Variants in ROBO2 observed in about 807,000 individuals in gnomAD.
ROBO2 encodes the protein roundabout homolog 2.
A neutral mutation model predicts 160.8 loss-of-function variants in ROBO2; 53 were observed. The ratio of observed to expected loss-of-function variants is 0.33; its 90% CI spans 0.26 to 0.41. ROBO2 has a LOEUF of 0.41. Ranked by LOEUF, ROBO2 falls within the 10% of genes least tolerant of loss-of-function variation. ROBO2 has a pLI of 1.00. For missense variants in ROBO2, 1,577 were observed against 1,722.4 expected (o/e 0.92, Z 1.49); for synonymous variants, 664 against 611.7 (o/e 1.09, Z -1.26).
At chr3:77,603,203 C>T (rs1037926919) in intron 20 of ROBO2, 9 of 392,166 alleles carry the variant, frequency 2.3e-5, no homozygotes, top group Admixed American at 1.3e-4. Context: ...CTAATGAAAT[C>T]ATGCCTTGGT....
At chr3:77,400,034 C>T (rs561457685) in intron 2 of ROBO2, among the ~76,000 whole-genome samples, 3 of 152,160 alleles carry the variant, frequency 2.0e-5, no homozygotes, top group African/African-American at 4.8e-5. Context: ...TGTGGCCAGA[C>T]AGCAGAGAGG....
At chr3:77,055,511 G>C (rs1353241907) in intron 1 of ROBO2, among the ~76,000 whole-genome samples, 1 of 151,938 alleles carries the variant, frequency 6.6e-6, no homozygotes, top group African/African-American at 2.4e-5. Flanking sequence ...ACTCCTTTTT[G>C]CCTTGATTTT....
intron 2 of ROBO2, among the ~76,000 whole-genome samples, chr3:75,976,757 C>T (rs973830399): frequency 2.4e-4 from 36 of 150,932 alleles, no homozygotes; most frequent in Admixed American, 1.1e-3. Flanking sequence ...GTGTAATATA[C>T]GGAAGAGGAA....
chr3:77,445,407 A>C (rs2080369405), intron 2 of ROBO2, among the ~76,000 whole-genome samples: 2 of 152,028 alleles, frequency 1.3e-5, no homozygotes, highest in South Asian at 4.1e-4. Flanking sequence ...TGGGTATGTC[A>C]CTCCTCATAA....
chr3:77,397,623 T>C (rs891668927), intron 2 of ROBO2, among the ~76,000 whole-genome samples: 3 of 152,160 alleles, frequency 2.0e-5, no homozygotes, highest in Non-Finnish European at 4.4e-5. Flanking sequence ...AAAATGTATA[T>C]CTTTCTTTTG....
intron 2 of ROBO2, among the ~76,000 whole-genome samples, chr3:77,224,092 C>T (rs991905590): frequency 3.3e-5 from 5 of 151,992 alleles, no homozygotes; most frequent in African/African-American, 7.2e-5. Context: ...TAGAGTACTT[C>T]TAACCAATGA....
At chr3:77,044,870 G>A (rs550956806) in intron 1 of ROBO2, among the ~76,000 whole-genome samples, 2 of 152,260 alleles carry the variant, frequency 1.3e-5, no homozygotes, top group South Asian at 4.2e-4. Context: ...CTAAAGAAAA[G>A]TATTGCTGTA....
At chr3:77,260,811 G>A (rs1325868169) in intron 2 of ROBO2, among the ~76,000 whole-genome samples, 8 of 152,146 alleles carry the variant, frequency 5.3e-5, no homozygotes, top group South Asian at 2.1e-4. Context: ...ATTGTGCGAC[G>A]TCCCTATTTG....
At chr3:77,600,634 C>T (rs939534256) in intron 19 of ROBO2, among the ~76,000 whole-genome samples, 1 of 152,124 alleles carries the variant, frequency 6.6e-6, no homozygotes, top group Non-Finnish European at 1.5e-5. Flanking sequence ...AGTATATTCA[C>T]TTAATATTCA....
chr3:76,078,122 CATATG>C, intron 2 of ROBO2, among the ~76,000 whole-genome samples: 1 of 152,298 alleles, frequency 6.6e-6, no homozygotes, highest in South Asian at 2.1e-4. Context: ...ATGCAACATT[CATATG>C]ATAGAGTTTG....
intron 2 of ROBO2, among the ~76,000 whole-genome samples, chr3:76,672,234 A>G (rs2092288018): frequency 6.6e-6 from 1 of 152,094 alleles, no homozygotes; most frequent in African/African-American, 2.4e-5. Context: ...TCAAGCAGAA[A>G]AATGAAGAGC....
intron 8 of ROBO2, among the ~76,000 whole-genome samples, chr3:77,556,077 G>A (rs57404793): frequency 0.096 from 3,557 of 36,896 alleles, 139 homozygotes; most frequent in African/African-American, 0.25. Flanking sequence ...ATTTAATTTG[G>A]AAAAAAAATC....
intron 2 of ROBO2, among the ~76,000 whole-genome samples, chr3:77,415,848 G>A (rs151117128): frequency 4.3e-4 from 66 of 152,200 alleles, no homozygotes; most frequent in African/African-American, 9.9e-4. Context: ...TCTGCTGCCC[G>A]CAGTGCAGCA....
chr3:76,950,813 A>G (rs2149174900), intron 2 of ROBO2, among the ~76,000 whole-genome samples: 1 of 152,136 alleles, frequency 6.6e-6, no homozygotes, highest in East Asian at 1.9e-4. Flanking sequence ...TGCTGCCTGG[A>G]CCTCCCAGGC....
At chr3:76,337,160 A>G (rs959987427) in intron 2 of ROBO2, among the ~76,000 whole-genome samples, 3 of 152,108 alleles carry the variant, frequency 2.0e-5, no homozygotes, top group Non-Finnish European at 4.4e-5. Context: ...ATTATTAAAC[A>G]TTTGTCATTT....
At chr3:76,149,610 T>C (rs1190605684) in intron 2 of ROBO2, among the ~76,000 whole-genome samples, 1 of 113,572 alleles carries the variant, frequency 8.8e-6, no homozygotes, top group Non-Finnish European at 1.9e-5. Flanking sequence ...ACATCATCTG[T>C]CTAAAACACA....
chr3:76,298,314 C>T (rs1432210268), intron 2 of ROBO2, among the ~76,000 whole-genome samples: 2 of 152,016 alleles, frequency 1.3e-5, no homozygotes, highest in Middle Eastern at 6.8e-3. Flanking sequence ...CTCTGGGGAA[C>T]GATGTGAGGT....
At chr3:76,039,850 C>T (rs995765888) in intron 2 of ROBO2, among the ~76,000 whole-genome samples, 9 of 151,992 alleles carry the variant, frequency 5.9e-5, no homozygotes, top group Non-Finnish European at 1.3e-4. Context: ...GGAAGCCTGG[C>T]TCAAATTAAT....
intron 2 of ROBO2, among the ~76,000 whole-genome samples, chr3:77,283,359 T>C (rs2060367951): frequency 6.6e-6 from 1 of 152,216 alleles, no homozygotes. Context: ...TTGGAGCAGA[T>C]GGATTGCTGA....
Sources: gnomAD v4.1 joint callset for allele counts (sites outside exome capture counted in the v4.1 genomes callset) on GRCh38, gnomAD v4.1.1 for gene constraint, MANE v1.5 for transcripts, NCBI Gene and HGNC (gene_info 2026-07-23, HGNC 2026-07-21) for gene names.